Variants in PLXNB2 observed in about 807,000 individuals in gnomAD.
PLXNB2 encodes plexin-B2.
PLXNB2 carries 85 observed loss-of-function variants against 202.6 expected under a neutral mutation model. The observed-to-expected ratio is 0.42, with a 90% CI of 0.35 to 0.50. PLXNB2 has a LOEUF of 0.50. PLXNB2 is among the 20% of genes least tolerant of loss of function. The pLI, the probability that PLXNB2 is intolerant of heterozygous loss-of-function variation, is 0.02. For missense variants in PLXNB2, 2,063 were observed against 2,586.2 expected, an observed-to-expected ratio of 0.80 and a Z score of 4.39; for synonymous variants, 1,239 against 1,137.6, an observed-to-expected ratio of 1.09 and a Z score of -1.79.
chr22:50,296,096 C>T (rs553408569), intron 1 of PLXNB2, among the ~76,000 whole-genome samples: 168 of 150,586 alleles, frequency 1.1e-3, no homozygotes, highest in African/African-American at 3.7e-3. Flanking sequence ...AGTGAGACTC[C>T]GTCTCAAAAA....
At chr22:50,300,287 G>A (rs1160321319) in intron 1 of PLXNB2, 10 of 985,118 alleles carry the variant, frequency 1.0e-5, no homozygotes, top group African/African-American at 1.8e-5. Flanking sequence ...CTGGCGTCGG[G>A]CACATCGGAT....
chr22:50,293,366 G>A (rs1054274750), intron 2 of PLXNB2, among the ~76,000 whole-genome samples: 10 of 152,160 alleles, frequency 6.6e-5, no homozygotes, highest in South Asian at 6.2e-4. Flanking sequence ...CCCCCGCCGC[G>A]CCCCTCCCCT....
rs55709850 is a variant in PLXNB2 at position 50,286,304 on chromosome 22, G to A, written c.1763-17C>T. Reference sequence around the variant, plus strand: ...CCACGTGGTCTGCAGACAGCAGAGGGGGAGGTGTCAAGGTGGCGGCCGCAG... The same window carrying A: ...CCACGTGGTCTGCAGACAGCAGAGGAGGAGGTGTCAAGGTGGCGGCCGCAG... On this transcript the variant is annotated splice_polypyrimidine_tract_variant and intron_variant, in intron 8 of 36. Transcript: ENST00000359337. The A allele has an allele frequency of 1.9e-6, 3 of 1,587,824 alleles. No individual in the cohort carries two copies. Among genetic ancestry groups the A allele is most frequent in the East Asian group, 4.5e-5 (2 of 44,728 alleles).
chr22:50,287,604 T>C (rs2066551896), intron 7 of PLXNB2, 63 bp downstream of exon 7: 1 of 1,448,526 alleles, frequency 6.9e-7, no homozygotes, highest in Non-Finnish European at 9.3e-7. Flanking sequence ...GCTCCCAGCA[T>C]GGGGGAGCCC....
In PLXNB2 at chr22:50,287,686, C is replaced by G. The variant is rs2066562655; in HGVS notation, c.1589G>C (p.Ser530Thr). ...ACGCACCTCCCCCTGGGCCCGCCGG[C>G]TCATGTTCTGTGGCTGGGCGCTGGT... is the stretch of plus-strand genomic sequence containing the variant. Reference protein sequence around the residue: ...AVTSAQPQNMSRRAQGEVQLT... With the variant: ...AVTSAQPQNMTRRAQGEVQLT... The change falls in exon 7 of 37, where the codon AGC becomes ACC. Residue 530 changes from serine (S) to threonine (T), a missense_variant. Coordinates refer to ENST00000359337, the MANE Select transcript of PLXNB2 (RefSeq NM_012401.4). 6.4e-7 allele frequency: 1 copy of G among 1,551,614 alleles called. No homozygotes were observed. The highest frequency in any genetic ancestry group is 1.4e-5 in the African/African-American group (1 of 73,898).
chr22:50,295,589 G>A (rs1024464999), intron 1 of PLXNB2, among the ~76,000 whole-genome samples: 4 of 152,094 alleles, frequency 2.6e-5, no homozygotes, highest in African/African-American at 9.7e-5. Context: ...GATAAACACC[G>A]ACTATACCCA....
chr22:50,289,733 C>T lies in PLXNB2; in HGVS notation c.852G>A (p.Val284=). The part of the protein sequence containing the change: ...AAFGTCLAAS[V]AAPGSGRVLY... Reference sequence around the variant, plus strand: ...GCACCCTGCCAGAGCCAGGCGCAGCCACGGAGGCGGCCAGGCAGGTGCCAA... The same window carrying T: ...GCACCCTGCCAGAGCCAGGCGCAGCTACGGAGGCGGCCAGGCAGGTGCCAA... Residue 284 remains valine, a synonymous_variant, in exon 3 of 37, where the codon GTG becomes GTA. Coordinates refer to ENST00000359337, the MANE Select transcript of PLXNB2 (RefSeq NM_012401.4). The surrounding 1 kb of genome is among the most constrained non-coding windows in gnomAD (Gnocchi z 8.0). 1.9e-6 allele frequency: 3 copies of T among 1,612,338 alleles called. No homozygotes were observed. The highest frequency in any genetic ancestry group is 2.5e-6 in the Non-Finnish European group (3 of 1,179,956).
intron 33 of PLXNB2, 56 bp from the exon 34 acceptor site, chr22:50,276,962 C>CA (rs1368102678): frequency 1.8e-5 from 24 of 1,325,170 alleles, no homozygotes; most frequent in Non-Finnish European, 2.6e-5. Context: ...TGGGGCTGCT[C>CA]AGAGTACCCC....
intron 8 of PLXNB2, among the ~76,000 whole-genome samples, 198 bp from the exon 9 acceptor site, chr22:50,286,485 G>A (rs772139080): frequency 3.3e-5 from 5 of 152,032 alleles, no homozygotes; most frequent in African/African-American, 4.8e-5. Flanking sequence ...CAGGACGCCC[G>A]TTCACGCTGG....
At position 50,278,459 on chromosome 22, in the gene PLXNB2, T is replaced by C; in HGVS notation, c.4708A>G (p.Ser1570Gly). 2 of 1,559,278 alleles carry C rather than the reference T, an allele frequency of 1.3e-6. No individual in the cohort carries two copies. The highest frequency in any genetic ancestry group is 1.7e-6 in the Non-Finnish European group (2 of 1,151,800). Residue 1570 changes from serine to glycine, a missense_variant, in exon 30 of 37, where the codon AGC becomes GGC. Around this residue, in one of 2 missense-constraint regions of PLXNB2, gnomAD observed 760 missense variants for 1,109.4 expected, o/e 0.69. Coordinates refer to ENST00000359337, the MANE Select transcript of PLXNB2 (RefSeq NM_012401.4). Reference protein sequence around the residue: ...KVGVSQQPEDSQQDLPGERHA... With the variant: ...KVGVSQQPEDGQQDLPGERHA... The stretch of plus-strand genomic sequence containing the variant: ...CGCTCCCCAGGCAGGTCCTGCTGGC[T>C]GTCCTCCGGCTGCTGGGAGACCCCC...
In PLXNB2 at chr22:50,289,051, C is replaced by T. The variant is rs754662011; in HGVS notation, c.1160G>A (p.Arg387His). 8.1e-6 allele frequency: 13 copies of T among 1,608,004 alleles called. No homozygotes were observed. The highest frequency in any genetic ancestry group is 1.7e-5 in the Admixed American group (1 of 59,892). ...DGLRGTAVLQ[R>H]GGLNLTAVTV... ...CACGGCCGTGAGGTTCAGGCCTCCA[C>T]GCTGCAGCACGGCTGTGCCTCTGAG... The change falls in exon 4 of 37, where the codon CGT becomes CAT. Residue 387 changes from arginine (R) to histidine (H), a missense_variant. Arg to His is a conservative substitution (Grantham distance 29, BLOSUM62 0). Around this residue, in one of 2 missense-constraint regions of PLXNB2, gnomAD observed 1,303 missense variants for 1,476.8 expected, o/e 0.88. Transcript: ENST00000359337. This position sits in a 1 kb window ranked among gnomAD's most constrained non-coding sequence, Gnocchi z 8.0.
At chr22:50,300,242 G>A (rs1601775162) in intron 1 of PLXNB2, 1 of 983,086 alleles carries the variant, frequency 1.0e-6, no homozygotes, top group Non-Finnish European at 1.2e-6. Flanking sequence ...ACAGTCACAC[G>A]AGCGCAGGAG....
At position 50,289,020 on chromosome 22, in the gene PLXNB2, G is replaced by A. The variant is rs771149769; in HGVS notation, c.1191C>T (p.Val397=). The A allele has an allele frequency of 1.1e-5, 17 of 1,610,030 alleles. No homozygotes were observed. Among genetic ancestry groups the A allele is most frequent in the African/African-American group, 4.0e-5 (3 of 74,856 alleles). The part of the protein sequence containing the change: ...RGGLNLTAVT[V]AAENNHTVAF... ...CAACAGTGTGGTTGTTCTCGGCGGC[G>A]ACCGTCACGGCCGTGAGGTTCAGGC... The change falls in exon 4 of 37, where the codon GTC becomes GTT. Residue 397 remains valine (V), a synonymous_variant. Coordinates refer to ENST00000359337, the MANE Select transcript of PLXNB2 (RefSeq NM_012401.4). The surrounding 1 kb of genome is among the most constrained non-coding windows in gnomAD (Gnocchi z 8.0).
At chr22:50,303,465 C>A (rs1254445604) in intron 1 of PLXNB2, among the ~76,000 whole-genome samples, 1 of 152,190 alleles carries the variant, frequency 6.6e-6, no homozygotes. Flanking sequence ...CCCCAGACCA[C>A]AACAGAAGGT....
In PLXNB2 at chr22:50,282,773, G is replaced by A. The variant is rs1281648364; in HGVS notation, c.2925C>T (p.Ile975=). 1.3e-6 allele frequency: 2 copies of A among 1,596,758 alleles called. No homozygotes were observed. Among genetic ancestry groups the A allele is most frequent in the Non-Finnish European group, 1.7e-6 (2 of 1,175,088 alleles). The stretch of plus-strand genomic sequence containing the variant: ...CGGGGTTTTCGCGGTAGGTGAAGAA[G>A]ATGCCGGGGTTGGGCACGGGGGACC... ...YGGSPVPNPG[I]FFTYRENPVL... Residue 975 remains isoleucine, a synonymous_variant, in exon 18 of 37, where the codon ATC becomes ATT. Transcript: ENST00000359337.
At position 50,282,174 on chromosome 22, in the gene PLXNB2, C is replaced by T; in HGVS notation, c.3117+10G>A. 3.7e-6 allele frequency: 6 copies of T among 1,608,388 alleles called. No homozygotes were observed. Among genetic ancestry groups the T allele is most frequent in the Non-Finnish European group, 4.2e-6 (5 of 1,178,364 alleles). The stretch of plus-strand genomic sequence containing the variant: ...GCCGGTGCCAGAGCTGAGCCCACGC[C>T]AGGACTGACCGTCATGGGCTGCAGG... On this transcript the variant is annotated intron_variant, in intron 19 of 36. Transcript: ENST00000359337.
chr22:50,275,672 C>T lies in PLXNB2; in HGVS notation c.*32G>A. On this transcript the variant is annotated 3_prime_UTR_variant, in exon 37 of 37. Transcript: ENST00000359337. The stretch of plus-strand genomic sequence containing the variant: ...AGGGGCTCTCAGGTACCTCAGGTAC[C>T]TATGTCCCAAGGCAGCACTGGAGAT... The T allele has an allele frequency of 6.9e-7, 1 of 1,454,818 alleles. No individual in the cohort carries two copies. The highest frequency in any genetic ancestry group is 2.3e-5 in the East Asian group (1 of 43,870). 90.1% of individuals were successfully genotyped at this position (1,454,818 alleles called of 1,614,324 possible). A position where few individuals can be genotyped will look rare whatever the true frequency, so the allele number is the denominator to read the frequency against.
chr22:50,287,646 C>A (rs1453014898), intron 7 of PLXNB2, 21 bp downstream of exon 7: 2 of 1,531,658 alleles, frequency 1.3e-6, no homozygotes, highest in Non-Finnish European at 1.8e-6. Flanking sequence ...CCAGGACCCC[C>A]ACCCCAGACC....
In PLXNB2 at chr22:50,291,690, G is replaced by C. The variant is rs563266988; in HGVS notation, c.-13-1093C>G. On this transcript the variant is annotated intron_variant, in intron 2 of 36. Transcript: ENST00000359337. The surrounding 1 kb of genome is among the most constrained non-coding windows in gnomAD (Gnocchi z 4.3). The stretch of plus-strand genomic sequence containing the variant: ...CCTCAGGGTGGTCCGTCCCTCTCAC[G>C]CTAGGGACCCTGCTCCATCCTGGCC... Among the ~76,000 whole-genome samples, 6 of 152,126 alleles carry C rather than the reference G, an allele frequency of 3.9e-5. No homozygotes were observed. In the South Asian group the frequency reaches 6.2e-4, roughly 16 times the overall value.
Sources: gnomAD v4.1 joint callset for allele counts (sites outside exome capture counted in the v4.1 genomes callset) on GRCh38, gnomAD v4.1.1 for gene constraint, gnomAD v4.1.1 regional missense constraint, Gnocchi (gnomAD v3.1) non-coding constraint, MANE v1.5 for transcripts, NCBI Gene and HGNC (gene_info 2026-07-23, HGNC 2026-07-21) for gene names.